Variants in QSER1 observed in about 807,000 individuals in gnomAD.
QSER1 encodes the protein glutamine and serine rich 1.
In QSER1, 49 loss-of-function variants were observed where a neutral mutation model predicts 158.5. That is an observed-to-expected ratio of 0.31 (90% CI 0.25 to 0.39). QSER1 has a LOEUF of 0.39. Ranked by LOEUF, QSER1 falls within the 10% of genes least tolerant of loss-of-function variation. The pLI is 1.00. For synonymous variants in QSER1, 650 were observed against 715.5 expected, an observed-to-expected ratio of 0.91 and a Z score of 1.46; for missense variants, 1,754 against 2,010.3, an observed-to-expected ratio of 0.87 and a Z score of 2.44.
intron 1 of QSER1, among the ~76,000 whole-genome samples, chr11:32,916,356 C>A (rs1487985418): frequency 6.6e-6 from 1 of 152,044 alleles, no homozygotes; most frequent in African/African-American, 2.4e-5. Flanking sequence ...AACCACATAC[C>A]CAGTAGCAGT....
In QSER1 at chr11:32,933,254, A is replaced by G. The variant is rs901728785; in HGVS notation, c.1996A>G (p.Ile666Val). Residue 666 changes from isoleucine (I) to valine (V), a missense_variant, in exon 4 of 13, where the codon ATA (isoleucine) becomes GTA (valine). Ile to Val is a conservative substitution (Grantham distance 29, BLOSUM62 3). Coordinates refer to ENST00000650167, the MANE Select transcript of QSER1 (RefSeq NM_001076786.3). ...STHCQTLQNN[I>V]TSPDPKSYAE... ...TCATTGTCAGACATTACAAAATAAC[A>G]TAACTTCCCCTGACCCAAAGTCTTA... 1.2e-6 allele frequency: 2 copies of G among 1,613,526 alleles called. No homozygotes were observed. The highest frequency in any genetic ancestry group is 1.7e-6 in the Non-Finnish European group (2 of 1,179,900).
intron 10 of QSER1, among the ~76,000 whole-genome samples, 189 bp downstream of exon 10, chr11:32,969,332 T>G (rs1435156003): frequency 2.6e-5 from 4 of 152,184 alleles, no homozygotes; most frequent in African/African-American, 9.7e-5. Context: ...CCACTTAAAT[T>G]TATTTTTTAG....
intron 12 of QSER1, 164 bp downstream of exon 12, chr11:32,975,507 T>C: frequency 6.8e-7 from 1 of 1,479,336 alleles, no homozygotes; most frequent in Non-Finnish European, 9.0e-7. Context: ...TCTGAGTCTC[T>C]CTGCTATGTT....
rs908850460 is a variant in QSER1 at position 32,893,995 on chromosome 11, C to T, written c.209+661C>T. On this transcript the variant is annotated intron_variant, in intron 1 of 12. Transcript: ENST00000650167. The surrounding 1 kb of genome is among the most constrained non-coding windows in gnomAD (Gnocchi z 4.7). ...TCAAAGTTGCTCTTAGGTTTCCTCC[C>T]CTTTTAACAACAGCAGGAAGTAAGG... is the stretch of plus-strand genomic sequence containing the variant. 5.3e-5 allele frequency among the ~76,000 whole-genome samples: 8 copies of T among 152,226 alleles called. No homozygotes were observed. The highest frequency in any genetic ancestry group is 1.9e-4 in the East Asian group (1 of 5,172).
intron 4 of QSER1, among the ~76,000 whole-genome samples, chr11:32,953,564 C>T (rs993186917): frequency 4.5e-4 from 68 of 152,200 alleles, no homozygotes; most frequent in Admixed American, 3.2e-3. Flanking sequence ...GTGTGAGCCA[C>T]TGTACCCAGC....
At chr11:32,929,941 C>T (rs902892126) in intron 3 of QSER1, among the ~76,000 whole-genome samples, 4 of 152,210 alleles carry the variant, frequency 2.6e-5, no homozygotes, top group African/African-American at 9.7e-5. Flanking sequence ...TCTGTCCTTT[C>T]TAACTAGCCT....
intron 9 of QSER1, among the ~76,000 whole-genome samples, chr11:32,966,830 G>A (rs1369192500): frequency 1.3e-5 from 2 of 152,120 alleles, no homozygotes; most frequent in Non-Finnish European, 2.9e-5. Context: ...TGTATCTTTT[G>A]TAAAAGATAC....
chr11:32,909,370 A>T (rs1370728784), intron 1 of QSER1, among the ~76,000 whole-genome samples: 1 of 151,072 alleles, frequency 6.6e-6, no homozygotes, highest in Non-Finnish European at 1.5e-5. Context: ...ATTTTCACTG[A>T]TTTTTTTTTA....
intron 4 of QSER1, among the ~76,000 whole-genome samples, chr11:32,940,935 T>G (rs1010323443): frequency 6.6e-6 from 1 of 152,028 alleles, no homozygotes; most frequent in African/African-American, 2.4e-5. Flanking sequence ...ATCTTAATTC[T>G]TTTGCCCTTT....
At chr11:32,897,681 A>G (rs981519949) in intron 1 of QSER1, among the ~76,000 whole-genome samples, 4 of 152,186 alleles carry the variant, frequency 2.6e-5, no homozygotes, top group African/African-American at 7.2e-5. Context: ...ATGCTTTTAA[A>G]TACTATCTCA....
chr11:32,894,263 G>T (rs1235215939), intron 1 of QSER1, among the ~76,000 whole-genome samples: 1 of 152,148 alleles, frequency 6.6e-6, no homozygotes, highest in African/African-American at 2.4e-5. Context: ...GTGTAGTAGT[G>T]CCACACTGTG....
chr11:32,931,938 C>T lies in QSER1; in HGVS notation c.680C>T (p.Pro227Leu). 6.2e-7 allele frequency: 1 copy of T among 1,614,134 alleles called. No homozygotes were observed. Residue 227 changes from proline to leucine, a missense_variant, in exon 4 of 13, where the codon CCT (proline) becomes CTT (leucine). Around this residue, in one of 2 missense-constraint regions of QSER1, gnomAD observed 1,707 missense variants for 1,919.6 expected, o/e 0.89. Transcript: ENST00000650167. The part of the protein sequence containing the change: ...TSNGILSHHD[P>L]LLQIKTSQGT... Reference sequence around the variant, plus strand: ...AATGGAATTTTAAGTCATCATGACCCTTTGCTACAAATCAAGACTTCCCAG... The same window carrying T: ...AATGGAATTTTAAGTCATCATGACCTTTTGCTACAAATCAAGACTTCCCAG...
At position 32,977,027 on chromosome 11, in the gene QSER1, C is replaced by G. The variant is rs1255291790; in HGVS notation, c.*553C>G. On this transcript the variant is annotated 3_prime_UTR_variant, in exon 13 of 13. Coordinates refer to ENST00000650167, the MANE Select transcript of QSER1 (RefSeq NM_001076786.3). ...TATTCTGCTTTACAGACTCCTTTTA[C>G]TCTTAACATGTTCAGGAAACTGGAT... 6.6e-6 allele frequency: 1 copy of G among 152,652 alleles called. No individual in the cohort carries two copies. The highest frequency in any genetic ancestry group is 1.5e-5 in the Non-Finnish European group (1 of 68,048). 9.5% of individuals were successfully genotyped at this position (152,652 alleles called of 1,614,324 possible).
rs1852081733 is a variant in QSER1 at position 32,933,221 on chromosome 11, T to C, written c.1963T>C (p.Ser655Pro). Residue 655 changes from serine (S) to proline (P), a missense_variant, in exon 4 of 13, where the codon TCC (serine) becomes CCC (proline). Ser to Pro is a moderately conservative substitution (Grantham distance 74). Coordinates refer to ENST00000650167, the MANE Select transcript of QSER1 (RefSeq NM_001076786.3). ...LPAVQSSSFASSTHCQTLQNN... is the reference protein window; with the variant it reads ...LPAVQSSSFAPSTHCQTLQNN... ...TGCTGTCCAGTCATCATCTTTTGCA[T>C]CCTCTACTCATTGTCAGACATTACA... is the stretch of plus-strand genomic sequence containing the variant. The C allele has an allele frequency of 6.2e-7, 1 of 1,614,012 alleles. No homozygotes were observed. The highest frequency in any genetic ancestry group is 2.2e-5 in the East Asian group (1 of 44,888).
At chr11:32,955,852 G>A (rs1429743935) in intron 6 of QSER1, 136 bp from the exon 7 acceptor site, 1 of 693,760 alleles carries the variant, frequency 1.4e-6, no homozygotes, top group African/African-American at 1.8e-5. Flanking sequence ...ATCAGTTTTT[G>A]AGGGTAAAAT....
At chr11:32,910,608 G>T (rs1377469007) in intron 1 of QSER1, among the ~76,000 whole-genome samples, 1 of 152,154 alleles carries the variant, frequency 6.6e-6, no homozygotes, top group Non-Finnish European at 1.5e-5. Context: ...CATATACTCA[G>T]TAAAGACATA....
chr11:32,942,778 T>C (rs1325584204), intron 4 of QSER1, among the ~76,000 whole-genome samples: 1 of 151,834 alleles, frequency 6.6e-6, no homozygotes, highest in Non-Finnish European at 1.5e-5. Flanking sequence ...AGAAAGGCAT[T>C]GGTAGCTTGA....
chr11:32,912,152 G>GT (rs1404347506), intron 1 of QSER1, among the ~76,000 whole-genome samples: 1 of 152,092 alleles, frequency 6.6e-6, no homozygotes, highest in African/African-American at 2.4e-5. Context: ...TCTCTTCTGA[G>GT]TCCTAAGTAG....
chr11:32,940,467 T>C (rs1852213193), intron 4 of QSER1, among the ~76,000 whole-genome samples: 1 of 152,184 alleles, frequency 6.6e-6, no homozygotes, highest in South Asian at 2.1e-4. Flanking sequence ...TATAGTATTT[T>C]TTGTCTTAAT....
Sources: gnomAD v4.1 joint callset for allele counts (sites outside exome capture counted in the v4.1 genomes callset) on GRCh38, gnomAD v4.1.1 for gene constraint, gnomAD v4.1.1 regional missense constraint, Gnocchi (gnomAD v3.1) non-coding constraint, MANE v1.5 for transcripts, NCBI Gene and HGNC (gene_info 2026-07-23, HGNC 2026-07-21) for gene names.